The following PXDNL variants were observed in gnomAD, a reference collection of about 807,000 sequenced individuals.
PXDNL encodes peroxidasin like, also known as probable oxidoreductase PXDNL.
In PXDNL, 145 loss-of-function variants were observed where a neutral mutation model predicts 150.8. The ratio of observed to expected loss-of-function variants is 0.96; its 90% CI spans 0.84 to 1.10. PXDNL has a LOEUF of 1.10. PXDNL is among the 50% of genes least tolerant of loss of function. The probability of loss-of-function intolerance (pLI) is 0.00; values close to 1 mark genes in which losing one functional copy is unlikely to be tolerated. For synonymous variants in PXDNL, 757 were observed against 725.7 expected, an observed-to-expected ratio of 1.04 and a Z score of -0.69; for missense variants, 2,087 against 1,873.9, an observed-to-expected ratio of 1.11 and a Z score of -2.10.
At chr8:51,440,628 T>C (rs973275171) in intron 12 of PXDNL, among the ~76,000 whole-genome samples, 6 of 152,278 alleles carry the variant, frequency 3.9e-5, no homozygotes, top group African/African-American at 1.4e-4. Flanking sequence ...ATTTATTCAA[T>C]ATTTACCTTC....
chr8:51,791,404 A>G (rs1017295027), intron 1 of PXDNL, among the ~76,000 whole-genome samples: 3 of 152,202 alleles, frequency 2.0e-5, no homozygotes, highest in African/African-American at 7.2e-5. Flanking sequence ...CACAGAGGTG[A>G]CCTGCAATCA....
intron 3 of PXDNL, among the ~76,000 whole-genome samples, chr8:51,567,491 T>A (rs896302485): frequency 2.6e-5 from 4 of 151,840 alleles, no homozygotes; most frequent in Non-Finnish European, 4.4e-5. Flanking sequence ...TCTTGGAAAA[T>A]GAATCACTTT....
intron 4 of PXDNL, among the ~76,000 whole-genome samples, chr8:51,528,391 T>C (rs139717922): frequency 1.3e-5 from 2 of 150,474 alleles, no homozygotes; most frequent in African/African-American, 5.0e-5. Flanking sequence ...TTAAAATGTT[T>C]TATATGAATT....
intron 4 of PXDNL, among the ~76,000 whole-genome samples, chr8:51,505,679 T>C (rs1226408800): frequency 6.6e-6 from 1 of 152,208 alleles, no homozygotes; most frequent in South Asian, 2.1e-4. Flanking sequence ...GTGTGTAACA[T>C]AAGCTAAGGA....
chr8:51,760,783 G>C (rs1353368971), intron 1 of PXDNL, among the ~76,000 whole-genome samples: 2 of 140,604 alleles, frequency 1.4e-5, no homozygotes. Context: ...GTGTGCTTTA[G>C]TTCATGGTGA....
chr8:51,697,059 T>C (rs1165117902), intron 1 of PXDNL, among the ~76,000 whole-genome samples: 1 of 152,066 alleles, frequency 6.6e-6, no homozygotes, highest in Non-Finnish European at 1.5e-5. Flanking sequence ...ATCCCAACAC[T>C]TTGGGAGGCC....
chr8:51,763,994 A>G (rs2037197080), intron 1 of PXDNL, among the ~76,000 whole-genome samples: 1 of 152,196 alleles, frequency 6.6e-6, no homozygotes, highest in African/African-American at 2.4e-5. Flanking sequence ...TTTACTTGTT[A>G]TAGATATATC....
At chr8:51,387,631 T>C (rs191638768) in intron 17 of PXDNL, among the ~76,000 whole-genome samples, 249 of 152,336 alleles carry the variant, frequency 1.6e-3, no homozygotes, top group Non-Finnish European at 3.0e-3. Flanking sequence ...ATAGGTGGAA[T>C]AAAGTAGATA....
intron 4 of PXDNL, among the ~76,000 whole-genome samples, chr8:51,506,254 A>C (rs1298565949): frequency 6.6e-6 from 1 of 152,196 alleles, no homozygotes; most frequent in East Asian, 1.9e-4. Flanking sequence ...GAATAGTTAC[A>C]GAAAAAGGCT....
chr8:51,388,373 C>T (rs902915223), intron 17 of PXDNL, among the ~76,000 whole-genome samples: 1 of 151,938 alleles, frequency 6.6e-6, no homozygotes, highest in African/African-American at 2.4e-5. Flanking sequence ...CAACTTTTTA[C>T]TTTATTAACT....
At chr8:51,335,968 C>T (rs1291787065) in intron 21 of PXDNL, among the ~76,000 whole-genome samples, 1 of 152,168 alleles carries the variant, frequency 6.6e-6, no homozygotes, top group African/African-American at 2.4e-5. Context: ...CATTCCTAGA[C>T]ATTCAAAAGT....
chr8:51,374,141 G>T (rs890787214), intron 18 of PXDNL, among the ~76,000 whole-genome samples: 2 of 152,160 alleles, frequency 1.3e-5, no homozygotes, highest in Non-Finnish European at 2.9e-5. Context: ...TCCTCCATGA[G>T]AATGAAGGGA....
intron 2 of PXDNL, among the ~76,000 whole-genome samples, chr8:51,643,989 A>G (rs1274791227): frequency 1.3e-5 from 2 of 151,764 alleles, no homozygotes; most frequent in East Asian, 2.0e-4. Flanking sequence ...TACTAAAAAT[A>G]CAAAAAATTA....
chr8:51,324,801 C>G (rs1805434377), intron 21 of PXDNL, among the ~76,000 whole-genome samples: 1 of 152,096 alleles, frequency 6.6e-6, no homozygotes, highest in Admixed American at 6.6e-5. Flanking sequence ...TCTTGTATTA[C>G]TTTGATGAAA....
chr8:51,405,397 C>T (rs944157737), intron 17 of PXDNL, among the ~76,000 whole-genome samples: 2 of 152,128 alleles, frequency 1.3e-5, no homozygotes, highest in Non-Finnish European at 1.5e-5. Context: ...AGGCTTCACA[C>T]GACATTTGCT....
At chr8:51,730,006 C>G (rs560171306) in intron 1 of PXDNL, among the ~76,000 whole-genome samples, 4 of 152,266 alleles carry the variant, frequency 2.6e-5, no homozygotes, top group Admixed American at 2.6e-4. Flanking sequence ...GCACAGAGGA[C>G]TTTTAGGGCA....
At chr8:51,594,537 G>A (rs10096851) in intron 2 of PXDNL, among the ~76,000 whole-genome samples, 73,202 of 152,064 alleles carry the variant, frequency 0.48, 22,161 homozygotes, top group African/African-American at 0.86. Flanking sequence ...TAACAAAAAT[G>A]AAACATAAGA....
intron 1 of PXDNL, among the ~76,000 whole-genome samples, chr8:51,749,857 T>C (rs2037025343): frequency 6.6e-6 from 1 of 152,016 alleles, no homozygotes; most frequent in Non-Finnish European, 1.5e-5. Flanking sequence ...CGTACCACCA[T>C]GCCCAGCTAA....
At chr8:51,411,113 T>G in intron 16 of PXDNL, 137 bp downstream of exon 16, 1 of 658,964 alleles carries the variant, frequency 1.5e-6, no homozygotes, top group Non-Finnish European at 2.2e-6. Context: ...TCTGCATTTA[T>G]TTGGTAAAAG....
Sources: allele counts gnomAD v4.1 joint callset (sites outside exome capture counted in the v4.1 genomes callset), GRCh38; gene constraint gnomAD v4.1.1; transcripts MANE v1.5; gene names NCBI Gene and HGNC (gene_info 2026-07-23, HGNC 2026-07-21).